The following ANO3 variants were observed in gnomAD, a reference collection of about 807,000 sequenced individuals.
ANO3 encodes the protein anoctamin-3.
In ANO3, 99 loss-of-function variants were observed where a neutral mutation model predicts 144.8. The ratio of observed to expected loss-of-function variants is 0.68; its 90% CI spans 0.58 to 0.81. The LOEUF is 0.81. Among genes scored for constraint, ANO3 ranks in the 30% least tolerant of loss-of-function variants. The pLI is 0.00. For synonymous variants in ANO3, 414 were observed against 392.6 expected (o/e 1.05, Z -0.64); for missense variants, 905 against 1,202.2 (o/e 0.75, Z 3.66).
chr11:26,219,318 G>A (rs1028778061), intron 1 of ANO3, among the ~76,000 whole-genome samples: 1 of 152,144 alleles, frequency 6.6e-6, no homozygotes, highest in Non-Finnish European at 1.5e-5. Context: ...ATATGAGTTA[G>A]AAACTTGGGA....
chr11:26,504,117 C>T (rs1313763105), intron 4 of ANO3, among the ~76,000 whole-genome samples: 1 of 152,146 alleles, frequency 6.6e-6, no homozygotes, highest in African/African-American at 2.4e-5. Context: ...CATGGAGATG[C>T]CTGTAAGCAG....
intron 1 of ANO3, among the ~76,000 whole-genome samples, chr11:26,202,700 G>A (rs959906919): frequency 1.3e-5 from 2 of 151,736 alleles, no homozygotes; most frequent in African/African-American, 2.4e-5. Flanking sequence ...ACCACACGAA[G>A]GCATGAGAAA....
intron 14 of ANO3, among the ~76,000 whole-genome samples, chr11:26,564,690 T>TAC (rs1565108459): frequency 3.7e-4 from 7 of 18,674 alleles, no homozygotes; most frequent in East Asian, 3.4e-3. Context: ...TACTCATATA[T>TAC]ATACACACAC....
At chr11:26,435,979 T>C (rs1858281564) in intron 1 of ANO3, among the ~76,000 whole-genome samples, 1 of 152,240 alleles carries the variant, frequency 6.6e-6, no homozygotes, top group African/African-American at 2.4e-5. Flanking sequence ...CTTGAGTTGC[T>C]AGAGTTCTTG....
chr11:26,452,883 G>C (rs138434315), intron 3 of ANO3, among the ~76,000 whole-genome samples: 1 of 152,112 alleles, frequency 6.6e-6, no homozygotes, highest in Non-Finnish European at 1.5e-5. Context: ...CAGATCTCTC[G>C]GCAGAAACTC....
chr11:26,345,637 T>C (rs1855480064), intron 1 of ANO3, among the ~76,000 whole-genome samples: 2 of 152,364 alleles, frequency 1.3e-5, no homozygotes, highest in South Asian at 4.1e-4. Context: ...TGAAGTTTAC[T>C]TCTACCAAGA....
intron 1 of ANO3, among the ~76,000 whole-genome samples, chr11:26,424,930 C>T (rs1037160261): frequency 3.9e-5 from 6 of 151,940 alleles, no homozygotes; most frequent in African/African-American, 1.5e-4. Flanking sequence ...GGTACATGTG[C>T]ACAACGTGCA....
intron 1 of ANO3, among the ~76,000 whole-genome samples, chr11:26,301,206 C>A (rs185541717): frequency 3.4e-4 from 51 of 152,140 alleles, no homozygotes; most frequent in Middle Eastern, 3.4e-3. Context: ...ATGGCAATCC[C>A]AGAATGACAG....
intron 23 of ANO3, among the ~76,000 whole-genome samples, chr11:26,645,121 C>T (rs1853303502): frequency 1.3e-5 from 2 of 151,856 alleles, no homozygotes; most frequent in Admixed American, 1.3e-4. Flanking sequence ...TTGTTGTTTG[C>T]TGTCATTTTA....
chr11:26,558,014 T>C (rs1209939919), intron 13 of ANO3, among the ~76,000 whole-genome samples: 4 of 152,190 alleles, frequency 2.6e-5, no homozygotes, highest in Non-Finnish European at 4.4e-5. Context: ...TCCCATTAGA[T>C]GTATATAATC....
At chr11:26,611,410 G>A (rs562129340) in intron 17 of ANO3, among the ~76,000 whole-genome samples, 8 of 151,894 alleles carry the variant, frequency 5.3e-5, no homozygotes, top group Non-Finnish European at 1.0e-4. Flanking sequence ...TTTCATGTTC[G>A]TAAGATTTCT....
chr11:26,331,945 A>G, upstream of ANO3: 1 of 462,882 alleles, frequency 2.2e-6, no homozygotes, highest in East Asian at 4.2e-5. Flanking sequence ...TCCGATTTAT[A>G]TCTCCTCCTC....
chr11:26,608,086 T>C (rs1284160310), intron 17 of ANO3, among the ~76,000 whole-genome samples: 1 of 152,256 alleles, frequency 6.6e-6, no homozygotes, highest in Non-Finnish European at 1.5e-5. Flanking sequence ...AGTTTCGATC[T>C]TTGAGACTGC....
chr11:26,627,498 C>G (rs1852625309), intron 18 of ANO3, among the ~76,000 whole-genome samples: 1 of 152,070 alleles, frequency 6.6e-6, no homozygotes, highest in Non-Finnish European at 1.5e-5. Context: ...TTTAAACCCT[C>G]TGAGCTGCAT....
At chr11:26,569,294 G>C (rs1453536888) in intron 14 of ANO3, among the ~76,000 whole-genome samples, 1 of 152,110 alleles carries the variant, frequency 6.6e-6, no homozygotes, top group East Asian at 1.9e-4. Flanking sequence ...AGGAAAAGGA[G>C]AGAAATGGAA....
At chr11:26,365,954 T>TTATATATATA (rs1158168765) in intron 1 of ANO3, among the ~76,000 whole-genome samples, 13 of 54,398 alleles carry the variant, frequency 2.4e-4, no homozygotes, top group African/African-American at 8.0e-4. Flanking sequence ...CATTTTTTCT[T>TTATATATATA]TATATATATA....
intron 1 of ANO3, among the ~76,000 whole-genome samples, chr11:26,284,827 C>A (rs1250097481): frequency 2.0e-5 from 3 of 152,154 alleles, no homozygotes; most frequent in Non-Finnish European, 4.4e-5. Flanking sequence ...ATGACGTGAA[C>A]CTGGGAGGCG....
chr11:26,348,874 A>G (rs1384291812), intron 1 of ANO3, among the ~76,000 whole-genome samples: 2 of 152,224 alleles, frequency 1.3e-5, no homozygotes, highest in Admixed American at 1.3e-4. Context: ...GGTGTACACC[A>G]GGTAATACAG....
chr11:26,240,525 T>C (rs924758952), intron 1 of ANO3, among the ~76,000 whole-genome samples: 1 of 152,192 alleles, frequency 6.6e-6, no homozygotes, highest in Non-Finnish European at 1.5e-5. Context: ...CAGCAATGTG[T>C]TTCATCCTCA....
Sources: gnomAD v4.1 joint callset for allele counts (sites outside exome capture counted in the v4.1 genomes callset) on GRCh38, gnomAD v4.1.1 for gene constraint, MANE v1.5 for transcripts, NCBI Gene and HGNC (gene_info 2026-07-23, HGNC 2026-07-21) for gene names.